Variants in IGSF21 observed in about 807,000 individuals in gnomAD.
IGSF21 encodes the protein immunoglobulin superfamily member 21.
Under a neutral mutation model 46.8 loss-of-function variants are expected in IGSF21, and 28 were observed. That is an observed-to-expected ratio of 0.60 (90% CI 0.44 to 0.82). IGSF21 has a LOEUF of 0.82. IGSF21 is among the 40% of genes least tolerant of loss of function. The pLI, the probability that IGSF21 is intolerant of heterozygous loss-of-function variation, is 0.00. For synonymous variants in IGSF21, 284 were observed against 273.6 expected, an observed-to-expected ratio of 1.04 and a Z score of -0.38; for missense variants, 624 against 665.5, an observed-to-expected ratio of 0.94 and a Z score of 0.69.
At chr1:18,360,737 G>A (rs2086091401) in intron 4 of IGSF21, among the ~76,000 whole-genome samples, 1 of 152,152 alleles carries the variant, frequency 6.6e-6, no homozygotes, top group Non-Finnish European at 1.5e-5. Context: ...GGAAATAATA[G>A]CAGAAATCAC....
intron 1 of IGSF21, among the ~76,000 whole-genome samples, chr1:18,222,921 C>T (rs916132253): frequency 2.6e-5 from 4 of 152,220 alleles, no homozygotes; most frequent in African/African-American, 9.7e-5. Flanking sequence ...GGTGTTTTCT[C>T]ACCTGTGATC....
chr1:18,364,600 C>T (rs1005846720), intron 5 of IGSF21, among the ~76,000 whole-genome samples: 1 of 152,076 alleles, frequency 6.6e-6, no homozygotes, highest in Non-Finnish European at 1.5e-5. Flanking sequence ...AATTAAATGC[C>T]GCCTCACAAA....
chr1:18,338,451 A>T (rs1422708140), intron 4 of IGSF21, among the ~76,000 whole-genome samples: 1 of 152,136 alleles, frequency 6.6e-6, no homozygotes, highest in Non-Finnish European at 1.5e-5. Context: ...AAACTGGGGC[A>T]AGACAGACCC....
chr1:18,204,552 C>T (rs540977877), intron 1 of IGSF21, among the ~76,000 whole-genome samples: 7 of 152,096 alleles, frequency 4.6e-5, no homozygotes, highest in African/African-American at 9.7e-5. Flanking sequence ...GTTGGTTTGA[C>T]GTCTCTGAAT....
chr1:18,256,357 A>G (rs1405026366), intron 2 of IGSF21, among the ~76,000 whole-genome samples: 1 of 152,182 alleles, frequency 6.6e-6, no homozygotes, highest in African/African-American at 2.4e-5. Context: ...TTGCCTGTTT[A>G]ATTGTTTGCT....
At chr1:18,298,474 A>G (rs1424867827) in intron 3 of IGSF21, among the ~76,000 whole-genome samples, 2 of 152,224 alleles carry the variant, frequency 1.3e-5, no homozygotes, top group African/African-American at 4.8e-5. Flanking sequence ...CACTCCTCCC[A>G]CACACATGCT....
At chr1:18,242,486 G>T (rs1488074920) in intron 2 of IGSF21, among the ~76,000 whole-genome samples, 1 of 152,158 alleles carries the variant, frequency 6.6e-6, no homozygotes, top group Non-Finnish European at 1.5e-5. Flanking sequence ...TTGCAAAGTG[G>T]TAGAGTAACT....
chr1:18,268,177 C>T (rs78806897), intron 2 of IGSF21, among the ~76,000 whole-genome samples: 3,412 of 152,338 alleles, frequency 0.022, 65 homozygotes, highest in Non-Finnish European at 0.033. Flanking sequence ...TACCCAACCC[C>T]TTTGTTTTAA....
chr1:18,367,711 A>G (rs1349401048), intron 6 of IGSF21, among the ~76,000 whole-genome samples: 1 of 142,698 alleles, frequency 7.0e-6, no homozygotes, highest in African/African-American at 2.6e-5. Context: ...GGTTCAAGTG[A>G]TTCTCCTGCC....
Position 18,315,296 on chromosome 1 carries a change from T to C in IGSF21, c.306-19596T>C, listed in dbSNP as rs370497342. On this transcript the variant is annotated intron_variant, in intron 3 of 9. Coordinates refer to ENST00000251296, the MANE Select transcript of IGSF21 (RefSeq NM_032880.5). ...GTCAGCTTTTCCTGACGTTCTAGTA[T>C]AGCCTGGTCAGATCTTTCTGTTCTC... Among the ~76,000 whole-genome samples the C allele has an allele frequency of 2.5e-4, 38 of 152,272 alleles. No individual in the cohort carries two copies. The South Asian group carries it at 7.5e-3, about 30-fold the overall frequency.
chr1:18,359,653 A>G (rs1028595526), intron 4 of IGSF21, among the ~76,000 whole-genome samples: 4 of 152,168 alleles, frequency 2.6e-5, no homozygotes, highest in African/African-American at 9.7e-5. Flanking sequence ...ATGTATCCTG[A>G]TACCTATTCA....
chr1:18,273,875 T>G (rs560141304), intron 2 of IGSF21, among the ~76,000 whole-genome samples: 6 of 152,084 alleles, frequency 3.9e-5, no homozygotes, highest in Non-Finnish European at 8.8e-5. Context: ...TCAGGCTCTA[T>G]TAGGACCCCA....
rs779856968 is a variant in IGSF21 at position 18,372,632 on chromosome 1, A to AGATG, written c.1016-3657_1016-3654dup. ...TGGGTGGATGTTTGGATGGATGGAT[A>AGATG]GATGGATGGATGGATGGATGGATGT... On this transcript the variant is annotated intron_variant, in intron 6 of 9. Coordinates refer to ENST00000251296, the MANE Select transcript of IGSF21 (RefSeq NM_032880.5). Among the ~76,000 whole-genome samples the AGATG allele has an allele frequency of 1.1e-3, 150 of 135,326 alleles. 1 individual carries two copies. Among genetic ancestry groups the AGATG allele is most frequent in the South Asian group, 4.0e-3 (16 of 4,022 alleles). 88.8% of individuals were successfully genotyped at this position (135,326 alleles called of 152,430 possible).
At chr1:18,281,808 A>T (rs1298701897) in intron 2 of IGSF21, among the ~76,000 whole-genome samples, 1 of 152,116 alleles carries the variant, frequency 6.6e-6, no homozygotes, top group African/African-American at 2.4e-5. Context: ...GAGGAGCTGG[A>T]CATGATCACC....
intron 1 of IGSF21, among the ~76,000 whole-genome samples, chr1:18,216,147 G>T (rs1458457799): frequency 6.6e-6 from 1 of 152,176 alleles, no homozygotes; most frequent in African/African-American, 2.4e-5. Flanking sequence ...CAAGGAGGGG[G>T]TGACCATCAC....
At chr1:18,141,032 C>G (rs977254011) in intron 1 of IGSF21, among the ~76,000 whole-genome samples, 1 of 152,186 alleles carries the variant, frequency 6.6e-6, no homozygotes, top group Non-Finnish European at 1.5e-5. Flanking sequence ...GAGGAGAGCA[C>G]GACCAGAGTG....
At chr1:18,252,057 T>TTG (rs1462864566) in intron 2 of IGSF21, among the ~76,000 whole-genome samples, 30 of 137,688 alleles carry the variant, frequency 2.2e-4, no homozygotes, top group Admixed American at 2.1e-3. Context: ...TTTTTTTTTT[T>TTG]TTTTTTTTTT....
chr1:18,135,266 T>G (rs2086358146), intron 1 of IGSF21, among the ~76,000 whole-genome samples: 1 of 152,196 alleles, frequency 6.6e-6, no homozygotes, highest in South Asian at 2.1e-4. Context: ...TATTTATTTA[T>G]TTTTATTATT....
At chr1:18,108,263 A>G in intron 1 of IGSF21, 65 bp downstream of exon 1, 4 of 1,297,900 alleles carry the variant, frequency 3.1e-6, no homozygotes, top group Non-Finnish European at 2.9e-6. Context: ...GTGCCGGGGG[A>G]GGGCGCTGGC....
Sources: gnomAD v4.1 joint callset for allele counts (sites outside exome capture counted in the v4.1 genomes callset) on GRCh38, gnomAD v4.1.1 for gene constraint, MANE v1.5 for transcripts, NCBI Gene and HGNC (gene_info 2026-07-23, HGNC 2026-07-21) for gene names.